NELL1: variants seen among roughly 807,000 people sequenced by gnomAD.
The protein encoded by NELL1 is neural EGFL like 1, also known as protein kinase C-binding protein NELL1.
NELL1 carries 76 observed loss-of-function variants against 107.4 expected under a neutral mutation model. That is an observed-to-expected ratio of 0.71 (90% confidence interval 0.59 to 0.86). The LOEUF (loss-of-function observed/expected upper bound fraction) is 0.86, where lower values mean the gene tolerates loss of function less well. Ranked by LOEUF, NELL1 falls within the 40% of genes least tolerant of loss-of-function variation. The pLI is 0.00. For synonymous variants in NELL1, 353 were observed against 341.2 expected (o/e 1.03, Z -0.38); for missense variants, 1,024 against 1,005.5 (o/e 1.02, Z -0.25).
chr11:20,703,409 T>G (rs1854850650), intron 2 of NELL1, among the ~76,000 whole-genome samples: 1 of 152,162 alleles, frequency 6.6e-6, no homozygotes, highest in Admixed American at 6.5e-5. Flanking sequence ...TTATTAATCT[T>G]GCTAGCAGTC....
At position 20,854,407 on chromosome 11, in the gene NELL1, C is replaced by T. The variant is rs529576140; in HGVS notation, c.506+6654C>T. On this transcript the variant is annotated intron_variant, in intron 4 of 19. Transcript: ENST00000357134. ...TTATTTCAGGGCTTGCATTCCCCTCCCCCTTTAGCACCATGGAGAGCAACT... is the reference window on the plus strand; with the variant it reads ...TTATTTCAGGGCTTGCATTCCCCTCTCCCTTTAGCACCATGGAGAGCAACT... Among the ~76,000 whole-genome samples, 10 of 152,246 alleles carry T rather than the reference C, an allele frequency of 6.6e-5. No homozygotes were observed. The South Asian group carries it at 2.1e-3, about 32-fold the overall frequency.
chr11:21,219,193 T>C (rs545590095), intron 13 of NELL1, among the ~76,000 whole-genome samples: 2 of 152,184 alleles, frequency 1.3e-5, no homozygotes, highest in Non-Finnish European at 2.9e-5. Flanking sequence ...TGAGATAATA[T>C]CTCACTGTAC....
At chr11:21,374,680 C>T (rs1405504698) in intron 15 of NELL1, among the ~76,000 whole-genome samples, 1 of 152,076 alleles carries the variant, frequency 6.6e-6, no homozygotes, top group Non-Finnish European at 1.5e-5. Flanking sequence ...TACTTATTCT[C>T]AAACCTTGGC....
chr11:21,335,768 G>T (rs7939346), intron 14 of NELL1, among the ~76,000 whole-genome samples: 43,382 of 151,860 alleles, frequency 0.29, 6,280 homozygotes, highest in Admixed American at 0.38. Flanking sequence ...ATTATGTTTT[G>T]TATATGATGC....
chr11:20,941,282 C>T (rs757266745), intron 10 of NELL1, among the ~76,000 whole-genome samples: 35 of 152,294 alleles, frequency 2.3e-4, no homozygotes, highest in Non-Finnish European at 2.9e-4. Flanking sequence ...AATCTACCCC[C>T]CTGTAACTTC....
intron 3 of NELL1, among the ~76,000 whole-genome samples, chr11:20,795,601 T>C (rs1432780366): frequency 1.3e-5 from 2 of 152,222 alleles, no homozygotes; most frequent in Non-Finnish European, 2.9e-5. Flanking sequence ...TATATGTAAC[T>C]CTATAAGATA....
intron 15 of NELL1, among the ~76,000 whole-genome samples, chr11:21,455,532 C>G (rs887217902): frequency 6.6e-6 from 1 of 151,858 alleles, no homozygotes; most frequent in Non-Finnish European, 1.5e-5. Context: ...CAGAGTTTAG[C>G]TATGTTTCTC....
chr11:21,433,090 T>C (rs1239344703), intron 15 of NELL1, among the ~76,000 whole-genome samples: 3 of 152,158 alleles, frequency 2.0e-5, no homozygotes, highest in African/African-American at 7.2e-5. Flanking sequence ...TTAGCTCCCA[T>C]ATATGAGTGA....
intron 5 of NELL1, among the ~76,000 whole-genome samples, chr11:20,898,321 C>T (rs942541918): frequency 2.6e-5 from 4 of 151,592 alleles, no homozygotes; most frequent in African/African-American, 9.7e-5. Flanking sequence ...ATTGCGAGGA[C>T]AAAAAACCAA....
intron 5 of NELL1, among the ~76,000 whole-genome samples, chr11:20,889,285 C>T (rs1434289539): frequency 1.3e-5 from 2 of 152,228 alleles, no homozygotes; most frequent in South Asian, 2.1e-4. Flanking sequence ...ACAAACTGAA[C>T]AGCTGGTTTT....
At chr11:21,493,244 A>G (rs933680770) in intron 15 of NELL1, among the ~76,000 whole-genome samples, 1 of 152,146 alleles carries the variant, frequency 6.6e-6, no homozygotes, top group African/African-American at 2.4e-5. Flanking sequence ...GTATTTATCC[A>G]AAAGAAAATA....
chr11:20,684,055 GTA>G (rs1565305650), intron 2 of NELL1, among the ~76,000 whole-genome samples: 1 of 136,682 alleles, frequency 7.3e-6, no homozygotes, highest in African/African-American at 2.7e-5. Flanking sequence ...ACAATTACAT[GTA>G]TATATTTGAC....
intron 5 of NELL1, among the ~76,000 whole-genome samples, chr11:20,917,435 A>G (rs1449937873): frequency 2.6e-5 from 4 of 151,982 alleles, no homozygotes; most frequent in Non-Finnish European, 5.9e-5. Flanking sequence ...GCACTCTCTT[A>G]AGTCTATATT....
chr11:21,174,783 T>C (rs934556741), intron 13 of NELL1, among the ~76,000 whole-genome samples: 1 of 151,806 alleles, frequency 6.6e-6, no homozygotes, highest in African/African-American at 2.4e-5. Context: ...GCAGAAGAGA[T>C]AAGAAAGGCA....
intron 12 of NELL1, among the ~76,000 whole-genome samples, chr11:21,086,166 A>G (rs1854387051): frequency 6.6e-6 from 1 of 152,192 alleles, no homozygotes; most frequent in East Asian, 1.9e-4. Context: ...TCATACCCTA[A>G]CACCTGACCA....
rs150046714 is a variant in NELL1, at chr11:21,240,766, T to TGG, written c.1549+11321_1549+11322dup. 6.9e-3 allele frequency among the ~76,000 whole-genome samples: 428 copies of TGG among 62,178 alleles called. 2 individuals are homozygous for TGG. The highest frequency in any genetic ancestry group is 0.029 in the African/African-American group (408 of 14,190). The allele number at this position is 62,178 out of a possible 152,430, so 40.8% of individuals were successfully genotyped here. A position where few individuals can be genotyped will look rare whatever the true frequency, so the allele number is the denominator to read the frequency against. On this transcript the variant is annotated intron_variant, in intron 14 of 19. Coordinates refer to ENST00000357134, the MANE Select transcript of NELL1 (RefSeq NM_006157.5). ...TCCTTTCCTTCAAGTGCCTTTCTAGTGGGGGGGGGGAGGGGGGAGTCTATT... is the reference window on the plus strand; with the variant it reads ...TCCTTTCCTTCAAGTGCCTTTCTAGTGGGGGGGGGGGGAGGGGGGAGTCTATT...
intron 14 of NELL1, among the ~76,000 whole-genome samples, chr11:21,323,769 T>G (rs1411088009): frequency 6.6e-6 from 1 of 152,164 alleles, no homozygotes; most frequent in Non-Finnish European, 1.5e-5. Context: ...TTATCTGTGT[T>G]TGTTATCTGA....
chr11:20,761,703 A>G (rs1856424805), intron 2 of NELL1, among the ~76,000 whole-genome samples: 1 of 152,184 alleles, frequency 6.6e-6, no homozygotes, highest in African/African-American at 2.4e-5. Context: ...TTTTGAAACA[A>G]ACTCTGGGAG....
intron 14 of NELL1, among the ~76,000 whole-genome samples, chr11:21,232,632 C>T (rs1169172801): frequency 6.6e-6 from 1 of 152,120 alleles, no homozygotes. Context: ...AACCAGACAA[C>T]TTGAACTAAG....
Sources: allele counts gnomAD v4.1 joint callset (sites outside exome capture counted in the v4.1 genomes callset), GRCh38; gene constraint gnomAD v4.1.1; transcripts MANE v1.5; gene names NCBI Gene and HGNC (gene_info 2026-07-23, HGNC 2026-07-21).